MORC1: variants seen among roughly 807,000 people sequenced by gnomAD.
MORC1 encodes the protein MORC family CW-type zinc finger protein 1.
In MORC1, 59 loss-of-function variants were observed where a neutral mutation model predicts 134.9. That is an observed-to-expected ratio of 0.44 (90% CI 0.35 to 0.54). The LOEUF (loss-of-function observed/expected upper bound fraction) is 0.54, where lower values mean the gene tolerates loss of function less well. MORC1 is among the 20% of genes least tolerant of loss of function. The pLI is 0.00. For missense variants in MORC1, 947 were observed against 1,134.5 expected (o/e 0.83, Z 2.37); for synonymous variants, 395 against 391.7 (o/e 1.01, Z -0.10).
At position 109,025,292 on chromosome 3, in the gene MORC1, C is replaced by T. The variant is rs540496811; in HGVS notation, c.1704+2459G>A. 2.0e-5 allele frequency among the ~76,000 whole-genome samples: 3 copies of T among 151,702 alleles called. No homozygotes were observed. In the South Asian group the frequency reaches 6.2e-4, roughly 32 times the overall value. ...GTTTTTCTCACCTGAAATGCCCTAT[C>T]CTTTTCCCTCTATTTATCCTAAATA... On this transcript the variant is annotated intron_variant, in intron 17 of 27. Coordinates refer to ENST00000232603, the MANE Select transcript of MORC1 (RefSeq NM_014429.4).
chr3:109,000,509 G>T, intron 21 of MORC1, 48 bp downstream of exon 21: 3 of 1,372,640 alleles, frequency 2.2e-6, no homozygotes, highest in African/African-American at 1.4e-5. Context: ...TCTAATCTTT[G>T]TGAATATGAA....
chr3:109,017,758 TATC>T (rs1321201365), intron 17 of MORC1, among the ~76,000 whole-genome samples: 1 of 152,212 alleles, frequency 6.6e-6, no homozygotes, highest in African/African-American at 2.4e-5. Flanking sequence ...CATCTTTTTT[TATC>T]ATCATCATCA....
intron 2 of MORC1, among the ~76,000 whole-genome samples, chr3:109,112,667 G>T (rs1951193201): frequency 6.6e-6 from 1 of 152,214 alleles, no homozygotes; most frequent in South Asian, 2.1e-4. Flanking sequence ...TGGCCTTGAG[G>T]TTGCTACTTC....
chr3:109,085,113 T>A (rs1950592205), intron 8 of MORC1, among the ~76,000 whole-genome samples: 2 of 151,944 alleles, frequency 1.3e-5, no homozygotes, highest in Admixed American at 1.3e-4. Context: ...GGTGTGTCTG[T>A]GTCTATCTGT....
chr3:109,018,808 A>T (rs1182346745), intron 17 of MORC1: 2 of 152,216 alleles, frequency 1.3e-5, no homozygotes, highest in African/African-American at 4.8e-5. Flanking sequence ...GTGATAGAAG[A>T]TTGGCAACTG....
chr3:109,112,592 G>A (rs962648874), intron 2 of MORC1, among the ~76,000 whole-genome samples: 10 of 152,212 alleles, frequency 6.6e-5, no homozygotes, highest in African/African-American at 1.9e-4. Flanking sequence ...CAAAGCTGAA[G>A]GCATGGGCTG....
chr3:109,029,442 T>A (rs1446914971), intron 16 of MORC1, among the ~76,000 whole-genome samples: 1 of 152,224 alleles, frequency 6.6e-6, no homozygotes, highest in African/African-American at 2.4e-5. Context: ...CATTTAAAGA[T>A]GTTTGGAAAT....
At chr3:108,968,351 A>G (rs1354429125) in intron 26 of MORC1, among the ~76,000 whole-genome samples, 3 of 152,238 alleles carry the variant, frequency 2.0e-5, no homozygotes, top group Non-Finnish European at 4.4e-5. Context: ...TAGAAACATC[A>G]AAGGCAAACG....
intron 10 of MORC1, among the ~76,000 whole-genome samples, 200 bp downstream of exon 10, chr3:109,062,952 A>G (rs1387283451): frequency 6.6e-6 from 1 of 152,138 alleles, no homozygotes; most frequent in Non-Finnish European, 1.5e-5. Context: ...TCATACTTAT[A>G]ATAATAATTA....
intron 24 of MORC1, among the ~76,000 whole-genome samples, chr3:108,974,238 C>A (rs1490555306): frequency 1.3e-5 from 2 of 152,162 alleles, no homozygotes; most frequent in African/African-American, 4.8e-5. Flanking sequence ...TCTCTAAACA[C>A]AAACACACAG....
At chr3:109,099,720 T>C (rs1282552910) in intron 5 of MORC1, among the ~76,000 whole-genome samples, 1 of 152,050 alleles carries the variant, frequency 6.6e-6, no homozygotes, top group Non-Finnish European at 1.5e-5. Flanking sequence ...AGAACAATCA[T>C]CTGTCTCAGG....
chr3:109,060,257 T>C (rs1175331328), intron 11 of MORC1, among the ~76,000 whole-genome samples: 1 of 134,180 alleles, frequency 7.5e-6, no homozygotes, highest in Non-Finnish European at 1.6e-5. Flanking sequence ...GAAGTGTTTT[T>C]GCAGGAAAAA....
At chr3:108,965,483 G>C (rs1034232476) in intron 26 of MORC1, among the ~76,000 whole-genome samples, 1 of 152,164 alleles carries the variant, frequency 6.6e-6, no homozygotes, top group African/African-American at 2.4e-5. Context: ...TGGATGCCAG[G>C]AGTTAGAGGT....
intron 14 of MORC1, among the ~76,000 whole-genome samples, chr3:109,045,907 T>C (rs369914255): frequency 2.0e-3 from 307 of 152,300 alleles, no homozygotes; most frequent in African/African-American, 7.0e-3. Flanking sequence ...CCATGTAGCA[T>C]CATTTTCTCT....
intron 14 of MORC1, among the ~76,000 whole-genome samples, chr3:109,048,509 T>G (rs1949747428): frequency 6.6e-6 from 1 of 152,214 alleles, no homozygotes; most frequent in African/African-American, 2.4e-5. Flanking sequence ...CATTATAATA[T>G]TCTCTTTAAT....
intron 17 of MORC1, among the ~76,000 whole-genome samples, chr3:109,025,028 G>GTTCA (rs1432182389): frequency 2.6e-5 from 4 of 152,228 alleles, no homozygotes; most frequent in South Asian, 4.1e-4. Context: ...ACATGTTCAT[G>GTTCA]GATTATTTTT....
In MORC1 at chr3:108,963,484, C is replaced by T. The variant is rs768468745; in HGVS notation, c.2729G>A (p.Arg910Lys). Residue 910 changes from arginine to lysine, a missense_variant, in exon 27 of 28, where the codon AGA (arginine) becomes AAA (lysine). Coordinates refer to ENST00000232603, the MANE Select transcript of MORC1 (RefSeq NM_014429.4). ...EISLGQCENKRKISEDKLKNL... is the reference protein window; with the variant it reads ...EISLGQCENKKKISEDKLKNL... ...CTTCAGCTTATCCTCAGAGATTTTT[C>T]TTTTATTTTCACATTGCCCCAGAGA... is the stretch of plus-strand genomic sequence containing the variant. The T allele has an allele frequency of 6.2e-7, 1 of 1,612,676 alleles. No homozygotes were observed. Among genetic ancestry groups the T allele is most frequent in the South Asian group, 1.1e-5 (1 of 90,676 alleles).
chr3:109,002,240 T>C (rs753567182), intron 20 of MORC1, among the ~76,000 whole-genome samples: 9 of 152,218 alleles, frequency 5.9e-5, no homozygotes, highest in East Asian at 5.8e-4. Flanking sequence ...ATCTTGGTTA[T>C]TGGAGTTGCC....
Position 109,099,425 on chromosome 3 carries a change from T to C in MORC1, c.356A>G (p.Lys119Arg). 1 of 1,613,400 alleles carries C rather than the reference T, an allele frequency of 6.2e-7. No homozygotes were observed. Among genetic ancestry groups the C allele is most frequent in the Non-Finnish European group, 8.5e-7 (1 of 1,179,794 alleles). ...RIGKDFILFT[K>R]KEETMTCVFF... ...CACACAGGTCATCGTTTCTTCCTTCTTCGTAAAAAGAATAAAGTCTTTTCC... is the reference window on the plus strand; with the variant it reads ...CACACAGGTCATCGTTTCTTCCTTCCTCGTAAAAAGAATAAAGTCTTTTCC... The change falls in exon 6 of 28, where the codon AAG becomes AGG. Residue 119 changes from lysine (K) to arginine (R), a missense_variant. This residue lies in a region of MORC1 where 214 missense variants were observed against 281.3 expected (regional missense o/e 0.76). Coordinates refer to ENST00000232603, the MANE Select transcript of MORC1 (RefSeq NM_014429.4).
Sources: gnomAD v4.1 joint callset for allele counts (sites outside exome capture counted in the v4.1 genomes callset) on GRCh38, gnomAD v4.1.1 for gene constraint, gnomAD v4.1.1 regional missense constraint, MANE v1.5 for transcripts, NCBI Gene and HGNC (gene_info 2026-07-23, HGNC 2026-07-21) for gene names.